The following GLIS3 variants were observed in gnomAD, a reference collection of about 807,000 sequenced individuals.
GLIS3 encodes zinc finger protein GLIS3.
Under a neutral mutation model 78.6 loss-of-function variants are expected in GLIS3, and 53 were observed. That is an observed-to-expected ratio of 0.67 (90% CI 0.54 to 0.85). The LOEUF (loss-of-function observed/expected upper bound fraction) is 0.85, where lower values mean the gene tolerates loss of function less well. Among genes scored for constraint, GLIS3 ranks in the 40% least tolerant of loss-of-function variants. The pLI, the probability that GLIS3 is intolerant of heterozygous loss-of-function variation, is 0.00. For synonymous variants in GLIS3, 684 were observed against 509.9 expected (o/e 1.34, Z -4.60); for missense variants, 1,703 against 1,231.1 (o/e 1.38, Z -5.74).
At position 4,118,462 on chromosome 9, in the gene GLIS3, G is replaced by C; in HGVS notation, c.1016C>G (p.Ala339Gly). 1 of 1,613,598 alleles carries C rather than the reference G, an allele frequency of 6.2e-7. No homozygotes were observed. Among genetic ancestry groups the C allele is most frequent in the Non-Finnish European group, 8.5e-7 (1 of 1,180,018 alleles). ...GACCTCCGGCTGCGGGGACAGGTTG[G>C]CCGGCGAAGCCCTCGACCCGTTGAT... The part of the protein sequence containing the change: ...AYINGSRASP[A>G]NLSPQPEVYG... Residue 339 changes from alanine (A) to glycine (G), a missense_variant, in exon 4 of 11, where the codon GCC becomes GGC. Coordinates refer to ENST00000381971, the MANE Select transcript of GLIS3 (RefSeq NM_001042413.2). The surrounding 1 kb of genome is among the most constrained non-coding windows in gnomAD (Gnocchi z 4.7).
chr9:4,194,778 G>A (rs1012339715), intron 2 of GLIS3, among the ~76,000 whole-genome samples: 2 of 152,184 alleles, frequency 1.3e-5, no homozygotes, highest in Non-Finnish European at 2.9e-5. Flanking sequence ...GGGCAACCCT[G>A]GCCAAGGGAG....
the GLIS3 span, among the ~76,000 whole-genome samples, chr9:4,488,879 CT>C: frequency 6.6e-6 from 1 of 150,580 alleles, no homozygotes. Flanking sequence ...TTTCTTTTTT[CT>C]TTTTTTTTGA....
intron 4 of GLIS3, among the ~76,000 whole-genome samples, chr9:3,989,611 T>G (rs2129742978): frequency 6.6e-6 from 1 of 152,020 alleles, no homozygotes; most frequent in African/African-American, 2.4e-5. Context: ...TTTAGCTGAG[T>G]GAAAAAGCCA....
At chr9:4,205,196 A>T (rs1189396579) in intron 2 of GLIS3, among the ~76,000 whole-genome samples, 1 of 140,368 alleles carries the variant, frequency 7.1e-6, no homozygotes, top group Non-Finnish European at 1.6e-5. Context: ...AAAAAAAAGG[A>T]ATCAGTTATG....
chr9:3,889,683 T>G (rs1005572495), intron 7 of GLIS3, among the ~76,000 whole-genome samples: 2 of 152,220 alleles, frequency 1.3e-5, no homozygotes, highest in Non-Finnish European at 2.9e-5. Flanking sequence ...AAACCTTTGT[T>G]GCAAAGGAGC....
chr9:3,917,214 C>T (rs921175613), intron 6 of GLIS3, among the ~76,000 whole-genome samples: 1 of 152,188 alleles, frequency 6.6e-6, no homozygotes. Context: ...ATGTAAATAT[C>T]ATTGCTTTGT....
chr9:4,378,777 G>C, the GLIS3 span, among the ~76,000 whole-genome samples: 3 of 152,248 alleles, frequency 2.0e-5, no homozygotes, highest in Middle Eastern at 3.4e-3. Flanking sequence ...ACTTCCCTGA[G>C]AGCAATAACT....
intron 2 of GLIS3, among the ~76,000 whole-genome samples, chr9:4,272,704 C>A (rs889797079): frequency 6.6e-6 from 1 of 152,158 alleles, no homozygotes; most frequent in Admixed American, 6.5e-5. Context: ...CACTCACTGG[C>A]CCCAATAAGT....
intron 2 of GLIS3, among the ~76,000 whole-genome samples, chr9:4,270,612 G>A (rs2130146140): frequency 6.6e-6 from 1 of 152,314 alleles, no homozygotes; most frequent in Non-Finnish European, 1.5e-5. Flanking sequence ...TTTCCAGCAT[G>A]GCAGCTTGCT....
At chr9:4,437,507 G>T in the GLIS3 span, among the ~76,000 whole-genome samples, 3 of 151,016 alleles carry the variant, frequency 2.0e-5, no homozygotes, top group African/African-American at 7.3e-5. Context: ...TAAGAATTAG[G>T]CACCATAATG....
chr9:3,859,559 G>C (rs1820036131), intron 8 of GLIS3, among the ~76,000 whole-genome samples: 1 of 152,084 alleles, frequency 6.6e-6, no homozygotes, highest in South Asian at 2.1e-4. Context: ...CCCTCTTATG[G>C]AGTATCTTAT....
At chr9:3,891,074 AAAAAAAAG>A (rs1351850583) in intron 7 of GLIS3, among the ~76,000 whole-genome samples, 1 of 147,602 alleles carries the variant, frequency 6.8e-6, no homozygotes, top group Non-Finnish European at 1.5e-5. Context: ...CTCAAAAAAA[AAAAAAAAG>A]AAGAAGAAGA....
At chr9:4,283,819 C>T (rs1397827226) in intron 2 of GLIS3, among the ~76,000 whole-genome samples, 1 of 152,202 alleles carries the variant, frequency 6.6e-6, no homozygotes, top group African/African-American at 2.4e-5. Context: ...CTTCTTGCAC[C>T]ATCTAGACCA....
At chr9:4,173,916 AC>A (rs1286328496) in intron 2 of GLIS3, among the ~76,000 whole-genome samples, 3 of 87,882 alleles carry the variant, frequency 3.4e-5, no homozygotes, top group Non-Finnish European at 7.0e-5. Flanking sequence ...CAGTTAAAAC[AC>A]ACACACACAC....
intron 4 of GLIS3, among the ~76,000 whole-genome samples, chr9:4,067,715 G>C (rs1336987350): frequency 1.3e-5 from 2 of 151,666 alleles, no homozygotes; most frequent in Non-Finnish European, 2.9e-5. Context: ...TTTAAAACAT[G>C]GTAAAGACAT....
chr9:4,237,707 G>C (rs1251786354), intron 2 of GLIS3, among the ~76,000 whole-genome samples: 1 of 152,106 alleles, frequency 6.6e-6, no homozygotes, highest in Non-Finnish European at 1.5e-5. Flanking sequence ...CATTAATCAG[G>C]CATGCCTTTT....
intron 2 of GLIS3, among the ~76,000 whole-genome samples, chr9:4,167,509 G>C (rs1238585689): frequency 2.6e-5 from 4 of 152,192 alleles, no homozygotes; most frequent in African/African-American, 7.2e-5. Context: ...AGAGAGGACA[G>C]TGTCTTACCC....
intron 4 of GLIS3, among the ~76,000 whole-genome samples, chr9:3,942,441 T>G (rs1815996276): frequency 6.6e-6 from 1 of 152,130 alleles, no homozygotes; most frequent in South Asian, 2.1e-4. Flanking sequence ...GATCAGCAAA[T>G]ACTTCTAATC....
the GLIS3 span, among the ~76,000 whole-genome samples, chr9:4,372,757 G>C: frequency 2.6e-5 from 4 of 152,286 alleles, no homozygotes; most frequent in Admixed American, 2.6e-4. Context: ...AAGGGAAGAT[G>C]CTATAAAGTT....
Sources: allele counts gnomAD v4.1 joint callset (sites outside exome capture counted in the v4.1 genomes callset), GRCh38; gene constraint gnomAD v4.1.1; non-coding constraint Gnocchi (gnomAD v3.1); transcripts MANE v1.5; gene names NCBI Gene and HGNC (gene_info 2026-07-23, HGNC 2026-07-21).